ASXL2: variants seen among roughly 807,000 people sequenced by gnomAD.
ASXL2 encodes the protein ASXL transcriptional regulator 2.
Under a neutral mutation model 122.0 loss-of-function variants are expected in ASXL2, and 23 were observed. The ratio of observed to expected loss-of-function variants is 0.19; its 90% CI spans 0.14 to 0.27. The LOEUF (loss-of-function observed/expected upper bound fraction) is 0.27, where lower values mean the gene tolerates loss of function less well. ASXL2 is among the 10% of genes least tolerant of loss of function. The pLI is 1.00. For missense variants in ASXL2, 1,518 were observed against 1,713.8 expected (o/e 0.89, Z 2.02); for synonymous variants, 650 against 637.0 (o/e 1.02, Z -0.31).
intron 1 of ASXL2, chr2:25,856,553 C>T (rs1204852302): frequency 4.4e-6 from 5 of 1,134,272 alleles, no homozygotes; most frequent in South Asian, 1.2e-5. Flanking sequence ...GGTTGTATTT[C>T]GCCAGACGCT....
At position 25,742,521 on chromosome 2, in the gene ASXL2, C is replaced by T. The variant is rs776161059; in HGVS notation, c.3816G>A (p.Gln1272=). ...ARDLIQAAQK[Q]MAHAVRGKAI... ...CCTTACCTCTCACTGCATGAGCCAT[C>T]TGCTTCTGTGCTGCCTGAATTAAAT... The change falls in exon 13 of 13, where the codon CAG becomes CAA. Residue 1272 remains glutamine (Q), a synonymous_variant. Transcript: ENST00000435504. 5.0e-6 allele frequency: 8 copies of T among 1,613,856 alleles called. No individual in the cohort carries two copies. The highest frequency in any genetic ancestry group is 5.9e-6 in the Non-Finnish European group (7 of 1,179,904).
chr2:25,863,407 CAG>C (rs2089862149), intron 1 of ASXL2, among the ~76,000 whole-genome samples: 1 of 147,448 alleles, frequency 6.8e-6, no homozygotes, highest in African/African-American at 2.5e-5. Context: ...AAAATAAAAA[CAG>C]GGGCCAGGCA....
Position 25,764,945 on chromosome 2 carries a change from C to T in ASXL2, c.775+2638G>A, listed in dbSNP as rs760320363. On this transcript the variant is annotated intron_variant, in intron 8 of 12. Coordinates refer to ENST00000435504, the MANE Select transcript of ASXL2 (RefSeq NM_018263.6). ...CCTCAAAGTGGTCAGTTTAAGTCCTCTAATTTTAGTAAAGATGACTTACCC... is the reference window on the plus strand; with the variant it reads ...CCTCAAAGTGGTCAGTTTAAGTCCTTTAATTTTAGTAAAGATGACTTACCC... 4.2e-4 allele frequency among the ~76,000 whole-genome samples: 64 copies of T among 152,206 alleles called. 1 individual carries two copies. Among genetic ancestry groups the T allele is most frequent in the Middle Eastern group, 3.4e-3 (1 of 292 alleles).
intron 9 of ASXL2, 80 bp from the exon 10 acceptor site, chr2:25,756,194 A>C (rs2088129588): frequency 2.8e-6 from 2 of 721,284 alleles, no homozygotes; most frequent in South Asian, 5.3e-5. Flanking sequence ...CTTTCATTTT[A>C]TAAAAGAATG....
intron 1 of ASXL2, among the ~76,000 whole-genome samples, chr2:25,864,525 A>C (rs1427053357): frequency 6.6e-6 from 1 of 152,158 alleles, no homozygotes; most frequent in African/African-American, 2.4e-5. Flanking sequence ...AGCTTTTTAA[A>C]TTGTGATAAA....
At chr2:25,817,517 G>A (rs1258736463) in intron 3 of ASXL2, among the ~76,000 whole-genome samples, 3 of 152,126 alleles carry the variant, frequency 2.0e-5, no homozygotes, top group African/African-American at 7.2e-5. Flanking sequence ...ATGTTCTTCA[G>A]TGTACATTTT....
chr2:25,835,291 A>G (rs1252699234), intron 3 of ASXL2, among the ~76,000 whole-genome samples: 4 of 152,244 alleles, frequency 2.6e-5, no homozygotes, highest in African/African-American at 7.2e-5. Flanking sequence ...GTTGATTTTA[A>G]TAAACCTTAA....
intron 1 of ASXL2, among the ~76,000 whole-genome samples, chr2:25,876,612 T>C (rs892681555): frequency 1.3e-5 from 2 of 152,204 alleles, no homozygotes; most frequent in Admixed American, 6.5e-5. Context: ...AAATTTATCA[T>C]GCTTCTTTTA....
Position 25,734,033 on chromosome 2 carries a change from T to C in ASXL2, c.*7996A>G, listed in dbSNP as rs1262842520. The C allele has an allele frequency of 6.6e-6, 1 of 151,348 alleles. No homozygotes were observed. Among genetic ancestry groups the C allele is most frequent in the Admixed American group, 6.6e-5 (1 of 15,184 alleles). 9.4% of individuals were successfully genotyped at this position (151,348 alleles called of 1,614,324 possible). A position where few individuals can be genotyped will look rare whatever the true frequency, so the allele number is the denominator to read the frequency against. ...CTCTTAGTGCTGGTGAAGGGTGCAA[T>C]GCAGTCACAGAATTAAGACAGGTTT... On this transcript the variant is annotated 3_prime_UTR_variant, in exon 13 of 13. Transcript: ENST00000435504.
chr2:25,873,829 C>T (rs1278529260), intron 1 of ASXL2, among the ~76,000 whole-genome samples: 1 of 151,964 alleles, frequency 6.6e-6, no homozygotes, highest in Admixed American at 6.6e-5. Context: ...GCCTCTCTAT[C>T]CCTTCCACCT....
At chr2:25,755,874 A>G (rs2088121330) in intron 10 of ASXL2, 144 bp downstream of exon 10, 2 of 674,502 alleles carry the variant, frequency 3.0e-6, no homozygotes, top group Non-Finnish European at 5.1e-6. Context: ...AAAGTTTAAC[A>G]ACGTGTTCCA....
intron 12 of ASXL2, among the ~76,000 whole-genome samples, chr2:25,745,641 CTTTT>C (rs59530493): frequency 2.4e-3 from 182 of 75,664 alleles, no homozygotes; most frequent in Middle Eastern, 0.013. Flanking sequence ...TGATTTCCTT[CTTTT>C]TTTTTTTTTT....
intron 5 of ASXL2, among the ~76,000 whole-genome samples, chr2:25,781,966 CTTTT>C (rs35973982): frequency 1.2e-5 from 1 of 81,044 alleles, no homozygotes; most frequent in Non-Finnish European, 2.4e-5. Flanking sequence ...GGGCTTTTTT[CTTTT>C]TTTTTTTTTT....
At chr2:25,815,063 G>A (rs1239217713) in intron 3 of ASXL2, among the ~76,000 whole-genome samples, 2 of 152,098 alleles carry the variant, frequency 1.3e-5, no homozygotes, top group Admixed American at 6.5e-5. Context: ...TCCTACCCTA[G>A]TCTGGCAGTG....
intron 3 of ASXL2, among the ~76,000 whole-genome samples, chr2:25,810,940 T>C (rs1315810602): frequency 8.6e-5 from 13 of 151,978 alleles, no homozygotes; most frequent in Admixed American, 7.2e-4. Flanking sequence ...GAAAACAGTA[T>C]AATCTTCTGG....
Position 25,741,249 on chromosome 2 carries a change from G to A in ASXL2, c.*780C>T, listed in dbSNP as rs2087821138. 8.9e-6 allele frequency: 2 copies of A among 225,928 alleles called. No individual in the cohort carries two copies. The highest frequency in any genetic ancestry group is 8.8e-6 in the Non-Finnish European group (1 of 113,650). The allele number at this position is 225,928 out of a possible 1,614,324, so 14.0% of individuals were successfully genotyped here. On this transcript the variant is annotated 3_prime_UTR_variant, in exon 13 of 13. Coordinates refer to ENST00000435504, the MANE Select transcript of ASXL2 (RefSeq NM_018263.6). ...ACTGCACAGCCTGTAACAACACAGG[G>A]GGTCCCAGAGAGGCACTCCCTTCAC...
chr2:25,802,747 G>A (rs910542751), intron 4 of ASXL2, among the ~76,000 whole-genome samples: 1 of 152,194 alleles, frequency 6.6e-6, no homozygotes, highest in Admixed American at 6.5e-5. Context: ...TGAAGGTGGA[G>A]CTGATCACCA....
At chr2:25,767,804 C>A in intron 7 of ASXL2, 78 bp from the exon 8 acceptor site, 1 of 1,526,868 alleles carries the variant, frequency 6.5e-7, no homozygotes, top group Non-Finnish European at 9.0e-7. Context: ...ATTCAACATT[C>A]ACTAAATGAA....
intron 5 of ASXL2, among the ~76,000 whole-genome samples, chr2:25,793,157 C>T (rs893179905): frequency 1.3e-5 from 2 of 151,798 alleles, no homozygotes; most frequent in Non-Finnish European, 2.9e-5. Flanking sequence ...CGCTTGAACC[C>T]GGGAGGCGAG....
Sources: allele counts gnomAD v4.1 joint callset (sites outside exome capture counted in the v4.1 genomes callset), GRCh38; gene constraint gnomAD v4.1.1; transcripts MANE v1.5; gene names NCBI Gene and HGNC (gene_info 2026-07-23, HGNC 2026-07-21).